Variants in BST1 observed in about 807,000 individuals in gnomAD.
The protein encoded by BST1 is ADP-ribosyl cyclase/cyclic ADP-ribose hydrolase 2.
Under a neutral mutation model 40.6 loss-of-function variants are expected in BST1, and 49 were observed. That is an observed-to-expected ratio of 1.21 (90% CI 0.96 to 1.53). BST1 has a LOEUF of 1.53. Among genes scored for constraint, BST1 ranks in the 40% most tolerant of loss-of-function variants. The pLI, the probability that BST1 is intolerant of heterozygous loss-of-function variation, is 0.00. For missense variants in BST1, 423 were observed against 395.9 expected, an observed-to-expected ratio of 1.07 and a Z score of -0.58; for synonymous variants, 157 against 159.3, an observed-to-expected ratio of 0.99 and a Z score of 0.11.
the BST1 span, among the ~76,000 whole-genome samples, chr4:15,751,909 T>C: frequency 6.6e-6 from 1 of 152,336 alleles, no homozygotes; most frequent in Middle Eastern, 3.4e-3. Flanking sequence ...TATAACAATT[T>C]ATTTCTTGCA....
At chr4:15,748,812 C>T in the BST1 span, among the ~76,000 whole-genome samples, 2 of 152,344 alleles carry the variant, frequency 1.3e-5, no homozygotes, top group African/African-American at 4.8e-5. Context: ...GCTAATTCCA[C>T]ATTCCTTATG....
At chr4:15,717,581 T>C (rs2148886810) in intron 6 of BST1, among the ~76,000 whole-genome samples, 1 of 152,334 alleles carries the variant, frequency 6.6e-6, no homozygotes, top group East Asian at 1.9e-4. Context: ...ATAAAAGCCT[T>C]AAAATGGATT....
chr4:15,738,011 A>G (rs192866883), exon 7 of BST1: 1 of 348,384 alleles, frequency 2.9e-6, no homozygotes, highest in African/African-American at 2.1e-5. Context: ...TGGTGAAAAT[A>G]CTCTGCATGA....
Position 15,722,912 on chromosome 4 carries a change from C to G in BST1, c.829C>G (p.His277Asp). Residue 277 changes from histidine (H) to aspartate (D), a missense_variant, in exon 8 of 9, where the codon CAT becomes GAT. His to Asp is a moderately conservative substitution (Grantham distance 81). Coordinates refer to ENST00000265016, the MANE Select transcript of BST1 (RefSeq NM_004334.3). ...KLLQCVDHSTHPDCALKSAAA... is the reference protein window; with the variant it reads ...KLLQCVDHSTDPDCALKSAAA... ...CTTACAGTGCGTGGACCACAGCACC[C>G]ATCCTGACTGTGCCTTAAAGTCGTA... 1 of 1,613,766 alleles carries G rather than the reference C, an allele frequency of 6.2e-7. No homozygotes were observed. Among genetic ancestry groups the G allele is most frequent in the Non-Finnish European group, 8.5e-7 (1 of 1,179,762 alleles).
At chr4:15,754,647 A>G in the BST1 span, among the ~76,000 whole-genome samples, 1 of 152,046 alleles carries the variant, frequency 6.6e-6, no homozygotes, top group East Asian at 1.9e-4. Flanking sequence ...GCATGCCTGA[A>G]AAGATGGAAA....
chr4:15,728,726 G>C (rs4492001), intron 8 of BST1, among the ~76,000 whole-genome samples: 19,247 of 148,920 alleles, frequency 0.13, 1,314 homozygotes, highest in African/African-American at 0.14. Context: ...CATCACTGCA[G>C]CCTCCACCTC....
rs1451853489 is a variant in BST1, at chr4:15,711,869, T to TG, written c.516dup (p.Lys173GlufsTer11). The TG allele has an allele frequency of 6.2e-7, 1 of 1,614,052 alleles. No individual in the cohort carries two copies. Among genetic ancestry groups the TG allele is most frequent in the Non-Finnish European group, 8.5e-7 (1 of 1,179,896 alleles). On this transcript the variant is annotated frameshift_variant, in exon 4 of 9. Coordinates refer to ENST00000265016, the MANE Select transcript of BST1 (RefSeq NM_004334.3). LOFTEE classifies it high-confidence loss of function. ...TGAAAATAATCCTGTGGATTCCTTT[T>TG]GGAAAAGGGCATCCATCCAGGTAAT... is the stretch of plus-strand genomic sequence containing the variant.
At chr4:15,754,316 C>T in the BST1 span, among the ~76,000 whole-genome samples, 2,091 of 152,144 alleles carry the variant, frequency 0.014, 51 homozygotes, top group African/African-American at 0.048. Flanking sequence ...TTAGTGTGAC[C>T]CCATTGTGAA....
chr4:15,705,479 A>C (rs768237309), intron 1 of BST1, 36 bp from the exon 2 acceptor site: 1 of 1,540,664 alleles, frequency 6.5e-7, no homozygotes, highest in African/African-American at 1.4e-5. Flanking sequence ...TATGATGTGC[A>C]TGTGTGTGTT....
the BST1 span, among the ~76,000 whole-genome samples, chr4:15,744,220 A>G: frequency 2.0e-4 from 31 of 152,288 alleles, no homozygotes; most frequent in African/African-American, 6.5e-4. Context: ...TACCTTCTGT[A>G]TTAGTCCATT....
the BST1 span, among the ~76,000 whole-genome samples, chr4:15,751,364 G>T: frequency 6.6e-6 from 1 of 152,118 alleles, no homozygotes; most frequent in African/African-American, 2.4e-5. Flanking sequence ...GACCACCATG[G>T]GCCAATGACT....
chr4:15,722,939 G>A lies in BST1; in HGVS notation c.851+5G>A. On this transcript the variant is annotated splice_donor_5th_base_variant and intron_variant, in intron 8 of 8. Coordinates refer to ENST00000265016, the MANE Select transcript of BST1 (RefSeq NM_004334.3). ...TCCTGACTGTGCCTTAAAGTCGTAA[G>A]TAAATGTCTTAACCCAAATCGTTCT... is the stretch of plus-strand genomic sequence containing the variant. The A allele has an allele frequency of 1.2e-6, 2 of 1,613,174 alleles. No individual in the cohort carries two copies. The highest frequency in any genetic ancestry group is 2.2e-5 in the South Asian group (2 of 91,004).
intron 4 of BST1, among the ~76,000 whole-genome samples, chr4:15,713,776 T>C (rs1720354413): frequency 6.6e-6 from 1 of 152,012 alleles, no homozygotes; most frequent in South Asian, 2.1e-4. Flanking sequence ...CATTCTCAGC[T>C]CACTGCAACC....
intron 1 of BST1, 130 bp from the exon 2 acceptor site, chr4:15,705,385 T>C (rs1719822401): frequency 1.8e-6 from 2 of 1,121,878 alleles, no homozygotes; most frequent in East Asian, 2.5e-5. Flanking sequence ...ATTCGTTGTC[T>C]TTTTTGTAAG....
At chr4:15,762,066 G>A in the BST1 span, among the ~76,000 whole-genome samples, 99 of 151,592 alleles carry the variant, frequency 6.5e-4, no homozygotes, top group South Asian at 9.1e-3. Context: ...GCATCTGCCT[G>A]TAGTCCCAGC....
At chr4:15,766,065 G>T in the BST1 span, among the ~76,000 whole-genome samples, 4 of 151,978 alleles carry the variant, frequency 2.6e-5, no homozygotes, top group Non-Finnish European at 4.4e-5. Context: ...TCAACATACA[G>T]TTGTGCAGTG....
At chr4:15,712,516 A>T (rs1480757651) in intron 4 of BST1, among the ~76,000 whole-genome samples, 7 of 152,230 alleles carry the variant, frequency 4.6e-5, no homozygotes, top group African/African-American at 1.7e-4. Context: ...CCTGGCAAAG[A>T]GCTGTTGACT....
At chr4:15,747,015 A>G in the BST1 span, among the ~76,000 whole-genome samples, 2 of 152,148 alleles carry the variant, frequency 1.3e-5, no homozygotes, top group African/African-American at 4.8e-5. Context: ...ACAAATGGGT[A>G]TGGGTCCCTT....
At position 15,711,860 on chromosome 4, in the gene BST1, G is replaced by T. The variant is rs553990087; in HGVS notation, c.505G>T (p.Asp169Tyr). ...TSEDCENNPV[D>Y]SFWKRASIQY... ...AGAAGACTGTGAAAATAATCCTGTG[G>T]ATTCCTTTTGGAAAAGGGCATCCAT... Residue 169 changes from aspartate (D) to tyrosine (Y), a missense_variant, in exon 4 of 9, where the codon GAT (aspartate) becomes TAT (tyrosine). Transcript: ENST00000265016. 1.2e-6 allele frequency: 2 copies of T among 1,614,092 alleles called. No homozygotes were observed. Among genetic ancestry groups the T allele is most frequent in the African/African-American group, 2.7e-5 (2 of 75,044 alleles).
Sources: gnomAD v4.1 joint callset for allele counts (sites outside exome capture counted in the v4.1 genomes callset) on GRCh38, gnomAD v4.1.1 for gene constraint, MANE v1.5 for transcripts, NCBI Gene and HGNC (gene_info 2026-07-23, HGNC 2026-07-21) for gene names.